PPP4R1: variants seen among roughly 807,000 people sequenced by gnomAD.
PPP4R1 encodes the protein serine/threonine-protein phosphatase 4 regulatory subunit 1.
Under a neutral mutation model 111.2 loss-of-function variants are expected in PPP4R1, and 42 were observed. That is an observed-to-expected ratio of 0.38 (90% confidence interval 0.29 to 0.49). The LOEUF is 0.49. PPP4R1 is among the 20% of genes least tolerant of loss of function. PPP4R1 has a pLI of 0.97. For synonymous variants in PPP4R1, 409 were observed against 405.5 expected (o/e 1.01, Z -0.10); for missense variants, 1,012 against 1,161.6 (o/e 0.87, Z 1.87).
chr18:9,591,760 C>A (rs1336842044), intron 4 of PPP4R1, among the ~76,000 whole-genome samples: 1 of 152,060 alleles, frequency 6.6e-6, no homozygotes, highest in Non-Finnish European at 1.5e-5. Context: ...TTCTATCCAA[C>A]AATTCATCCT....
intron 5 of PPP4R1, 125 bp downstream of exon 5, chr18:9,588,586 G>A: frequency 9.4e-7 from 1 of 1,069,012 alleles, no homozygotes; most frequent in Non-Finnish European, 1.3e-6. Context: ...AACACATCTT[G>A]TCTAAGATAA....
chr18:9,583,007 A>C lies in PPP4R1; in HGVS notation c.918+110T>G, dbSNP rs965034386. On this transcript the variant is annotated intron_variant, in intron 9 of 19. Transcript: ENST00000400556. ...TCTACTGTCTATTCCTAAAAGTATA[A>C]AAAATAATATATCTTAAATTATAAG... 4.8e-6 allele frequency: 5 copies of C among 1,046,374 alleles called. No individual in the cohort carries two copies. In the Admixed American group the frequency reaches 1.8e-4, roughly 38 times the overall value. The allele number at this position is 1,046,374 out of a possible 1,614,324, so 64.8% of individuals were successfully genotyped here. A position where few individuals can be genotyped will look rare whatever the true frequency, so the allele number is the denominator to read the frequency against.
chr18:9,593,630 T>TG, intron 4 of PPP4R1, 138 bp downstream of exon 4: 1 of 743,542 alleles, frequency 1.3e-6, no homozygotes, highest in East Asian at 2.8e-5. Flanking sequence ...TTGTTGTCAC[T>TG]GATGGGTTTG....
chr18:9,594,871 C>T, intron 3 of PPP4R1, 147 bp downstream of exon 3: 3 of 928,446 alleles, frequency 3.2e-6, no homozygotes, highest in Non-Finnish European at 4.7e-6. Flanking sequence ...TACAAAACTG[C>T]TCATGCTGTG....
Position 9,584,498 on chromosome 18 carries a change from A to T in PPP4R1, c.759+17T>A. On this transcript the variant is annotated intron_variant, in intron 8 of 19. Coordinates refer to ENST00000400556, the MANE Select transcript of PPP4R1 (RefSeq NM_001042388.3). ...TGTAACACACACTGTTTACTCCTTT[A>T]TATCTGCAATACTTACCAACATTTC... 6.2e-7 allele frequency: 1 copy of T among 1,605,422 alleles called. No homozygotes were observed. The highest frequency in any genetic ancestry group is 8.5e-7 in the Non-Finnish European group (1 of 1,176,476).
At position 9,550,186 on chromosome 18, in the gene PPP4R1, C is replaced by T. The variant is rs1376358702; in HGVS notation, c.2413G>A (p.Val805Ile). The change falls in exon 18 of 20, where the codon GTC becomes ATC. Residue 805 changes from valine to isoleucine, a missense_variant and splice_region_variant. By Grantham distance (29) the Val-to-Ile change is conservative. Transcript: ENST00000400556. The part of the protein sequence containing the change: ...SSVRWISYKL[V>I]SEMVKKLHAA... ...TGCAGCTTCTTCACCATCTCGCTGA[C>T]CTGGGAGGGTGAGCATGGAGAAATG... The T allele has an allele frequency of 2.5e-6, 4 of 1,614,150 alleles. No individual in the cohort carries two copies. The highest frequency in any genetic ancestry group is 3.4e-6 in the Non-Finnish European group (4 of 1,180,028).
At position 9,557,362 on chromosome 18, in the gene PPP4R1, T is replaced by C. The variant is rs764578108; in HGVS notation, c.2049A>G (p.Leu683=). The C allele has an allele frequency of 1.4e-5, 23 of 1,602,592 alleles. No homozygotes were observed. Among genetic ancestry groups the C allele is most frequent in the Middle Eastern group, 3.3e-4 (2 of 6,046 alleles). The change falls in exon 15 of 20, where the codon CTA becomes CTG. Residue 683 remains leucine (L), a synonymous_variant. Transcript: ENST00000400556. ...SDMQWKVRRT[L]AFSIHELAVI... ...CTGCAAGCTCGTGGATGGAGAATGC[T>C]AGAGTTCGTCGAACTTTCCACTGCA...
At chr18:9,614,820 G>C (rs935226318), upstream of PPP4R1, 33 of 149,268 alleles carry the variant, frequency 2.2e-4, no homozygotes, top group Non-Finnish European at 9.0e-5. The surrounding 1 kb of genome is among the most constrained non-coding windows in gnomAD (Gnocchi z 4.1). Flanking sequence ...CCGCCCTCAC[G>C]CCGAGCGCTG....
chr18:9,569,369 C>T lies in PPP4R1; in HGVS notation c.1573+788G>A, dbSNP rs192489844. Among the ~76,000 whole-genome samples the T allele has an allele frequency of 2.0e-5, 3 of 152,304 alleles. No individual in the cohort carries two copies. The East Asian group carries it at 5.8e-4, about 29-fold the overall frequency. On this transcript the variant is annotated intron_variant, in intron 11 of 19. Coordinates refer to ENST00000400556, the MANE Select transcript of PPP4R1 (RefSeq NM_001042388.3). The stretch of plus-strand genomic sequence containing the variant: ...TTCTATAGTCTTTTCCTCCCCCACG[C>T]CCGAGACAGAGTCTTGCTGTCGCCC...
chr18:9,549,378 T>A (rs540561477), intron 18 of PPP4R1, 40 bp from the exon 19 acceptor site: 6 of 1,556,234 alleles, frequency 3.9e-6, no homozygotes, highest in Non-Finnish European at 5.3e-6. Flanking sequence ...TCTCTGTCAA[T>A]GTAGCCAAAA....
At position 9,594,984 on chromosome 18, in the gene PPP4R1, C is replaced by G. The variant is rs749010864; in HGVS notation, c.188+34G>C. On this transcript the variant is annotated intron_variant, in intron 3 of 19. Coordinates refer to ENST00000400556, the MANE Select transcript of PPP4R1 (RefSeq NM_001042388.3). ...ACTGAAGTTAATAAAACCACCCTTC[C>G]ACTTCCACTTTAACAAAAAGAATAT... 9.4e-6 allele frequency: 15 copies of G among 1,602,034 alleles called. No individual in the cohort carries two copies. The Admixed American group carries it at 1.5e-4, about 16-fold the overall frequency.
chr18:9,609,789 T>G (rs2067546181), intron 2 of PPP4R1, among the ~76,000 whole-genome samples: 1 of 152,230 alleles, frequency 6.6e-6, no homozygotes, highest in Non-Finnish European at 1.5e-5. Context: ...AGAAATTGCC[T>G]GTACAAGTTT....
intron 18 of PPP4R1, chr18:9,549,836 G>A (rs2066460355): frequency 1.6e-6 from 1 of 639,580 alleles, no homozygotes; most frequent in East Asian, 2.8e-5. Flanking sequence ...TGGGGTGTGT[G>A]TGGTGCATGC....
intron 7 of PPP4R1, 46 bp from the exon 8 acceptor site, chr18:9,584,626 G>T (rs1375112025): frequency 6.2e-7 from 1 of 1,604,148 alleles, no homozygotes; most frequent in East Asian, 2.2e-5. Context: ...TACACATAAG[G>T]TTCTTCTAAG....
rs767253812 is a variant in PPP4R1 at position 9,593,782 on chromosome 18, A to G, written c.281T>C (p.Leu94Ser). The G allele has an allele frequency of 2.5e-6, 4 of 1,613,500 alleles. No individual in the cohort carries two copies. The highest frequency in any genetic ancestry group is 2.5e-6 in the Non-Finnish European group (3 of 1,179,536). Residue 94 changes from leucine to serine, a missense_variant, in exon 4 of 20, where the codon TTG becomes TCG. This residue lies in a region of PPP4R1 where 707 missense variants were observed against 742.1 expected (regional missense o/e 0.95). Coordinates refer to ENST00000400556, the MANE Select transcript of PPP4R1 (RefSeq NM_001042388.3). ...CIAVLERISR[L>S]ADDSEPTVRA... ...TCCACATATACCTGAATCATCGGCCAATCTGCTAATTCTTTCCAAAACAGC... is the reference window on the plus strand; with the variant it reads ...TCCACATATACCTGAATCATCGGCCGATCTGCTAATTCTTTCCAAAACAGC...
chr18:9,563,152 G>T, intron 12 of PPP4R1: 1 of 1,215,582 alleles, frequency 8.2e-7, no homozygotes, highest in Non-Finnish European at 1.1e-6. Context: ...CTACTAAATG[G>T]TCATATAGAC....
intron 2 of PPP4R1, among the ~76,000 whole-genome samples, chr18:9,601,419 G>T (rs2067381075): frequency 6.6e-6 from 1 of 151,950 alleles, no homozygotes; most frequent in African/African-American, 2.4e-5. Context: ...CCAGCTACTT[G>T]GGAGGCTGAA....
intron 6 of PPP4R1, among the ~76,000 whole-genome samples, chr18:9,585,339 C>T (rs12970514): frequency 0.13 from 19,161 of 152,182 alleles, 1,809 homozygotes; most frequent in Non-Finnish European, 0.18. Context: ...AGAACCATGT[C>T]CTGGTTTTGC....
intron 2 of PPP4R1, among the ~76,000 whole-genome samples, chr18:9,610,702 GCCCACCTCGGCCT>G (rs2067563770): frequency 6.6e-6 from 1 of 151,854 alleles, no homozygotes; most frequent in Admixed American, 6.6e-5. Flanking sequence ...CTCGTGATCC[GCCCACCTCGGCCT>G]CCCAAAGTGC....
Sources: allele counts gnomAD v4.1 joint callset (sites outside exome capture counted in the v4.1 genomes callset), GRCh38; gene constraint gnomAD v4.1.1; regional missense constraint gnomAD v4.1.1; non-coding constraint Gnocchi (gnomAD v3.1); transcripts MANE v1.5; gene names NCBI Gene and HGNC (gene_info 2026-07-23, HGNC 2026-07-21).